Variants in KIF26B observed in about 807,000 individuals in gnomAD.
KIF26B encodes kinesin-like protein KIF26B.
KIF26B carries 63 observed loss-of-function variants against 151.2 expected under a neutral mutation model. That is an observed-to-expected ratio of 0.42 (90% CI 0.34 to 0.51). The LOEUF (loss-of-function observed/expected upper bound fraction) is 0.51, where lower values mean the gene tolerates loss of function less well. KIF26B is among the 20% of genes least tolerant of loss of function. The pLI, the probability that KIF26B is intolerant of heterozygous loss-of-function variation, is 0.07. For missense variants in KIF26B, 2,813 were observed against 2,913.6 expected, an observed-to-expected ratio of 0.97 and a Z score of 0.79; for synonymous variants, 1,357 against 1,262.1, an observed-to-expected ratio of 1.08 and a Z score of -1.59.
chr1:245,618,379 G>A (rs1352266024), intron 9 of KIF26B, among the ~76,000 whole-genome samples: 1 of 151,636 alleles, frequency 6.6e-6, no homozygotes, highest in African/African-American at 2.4e-5. Flanking sequence ...TAGGTTCCTT[G>A]AGACAGAGTG....
At chr1:245,288,150 C>T (rs891440021) in intron 2 of KIF26B, among the ~76,000 whole-genome samples, 1 of 152,110 alleles carries the variant, frequency 6.6e-6, no homozygotes, top group Non-Finnish European at 1.5e-5. Context: ...TGTATTTTCT[C>T]GGAGTCCATC....
At chr1:245,201,299 T>C (rs1331743526) in intron 2 of KIF26B, among the ~76,000 whole-genome samples, 1 of 152,216 alleles carries the variant, frequency 6.6e-6, no homozygotes, top group East Asian at 1.9e-4. Context: ...GTGGATGATA[T>C]TATGCTTGAA....
At chr1:245,379,965 C>T (rs751342115) in intron 3 of KIF26B, among the ~76,000 whole-genome samples, 42 of 144,288 alleles carry the variant, frequency 2.9e-4, no homozygotes, top group Non-Finnish European at 5.2e-4. Context: ...AGCAAGACTC[C>T]GTCTCAAAAA....
At chr1:245,383,699 A>C (rs1673470384) in intron 3 of KIF26B, among the ~76,000 whole-genome samples, 1 of 152,226 alleles carries the variant, frequency 6.6e-6, no homozygotes, top group Non-Finnish European at 1.5e-5. Context: ...AGGTAGGAGA[A>C]GGATTGGTAG....
intron 5 of KIF26B, among the ~76,000 whole-genome samples, chr1:245,551,870 C>T (rs1661888220): frequency 6.6e-6 from 1 of 152,124 alleles, no homozygotes; most frequent in Non-Finnish European, 1.5e-5. Context: ...CTGGGTGCCC[C>T]CTCGTGTGCT....
At chr1:245,507,029 T>G (rs1033377133) in intron 4 of KIF26B, among the ~76,000 whole-genome samples, 4 of 152,156 alleles carry the variant, frequency 2.6e-5, no homozygotes, top group Non-Finnish European at 5.9e-5. Context: ...GAGGGTAGAC[T>G]TCCTCATACC....
At chr1:245,326,952 G>A (rs1314923643) in intron 2 of KIF26B, among the ~76,000 whole-genome samples, 1 of 152,106 alleles carries the variant, frequency 6.6e-6, no homozygotes, top group Non-Finnish European at 1.5e-5. Context: ...CTCAGTCTTT[G>A]TTTCCTATCG....
Position 245,540,820 on chromosome 1 carries a change from C to T in KIF26B, c.1220C>T (p.Thr407Ile). Residue 407 changes from threonine to isoleucine, a missense_variant, in exon 5 of 15, where the codon ACT becomes ATT. By Grantham distance (89) the Thr-to-Ile change is moderately conservative. This residue lies in a region of KIF26B where 676 missense variants were observed against 688.1 expected (regional missense o/e 0.98). Coordinates refer to ENST00000407071, the MANE Select transcript of KIF26B (RefSeq NM_018012.4). This position sits in a 1 kb window ranked among gnomAD's most constrained non-coding sequence, Gnocchi z 4.6. ...SSKKKKHRPS[T>I]SSAAEPPLFA... Reference sequence around the variant, plus strand: ...AAAAAGAAGAAACATCGGCCTTCCACTTCTTCCGCTGCCGAACCACCGCTC... The same window carrying T: ...AAAAAGAAGAAACATCGGCCTTCCATTTCTTCCGCTGCCGAACCACCGCTC... 1 of 1,613,982 alleles carries T rather than the reference C, an allele frequency of 6.2e-7. No homozygotes were observed.
chr1:245,548,976 A>G (rs939029342), intron 5 of KIF26B, among the ~76,000 whole-genome samples: 23 of 152,288 alleles, frequency 1.5e-4, no homozygotes, highest in Admixed American at 8.5e-4. Flanking sequence ...TCCTGACGTC[A>G]GGTGATCCAC....
intron 10 of KIF26B, among the ~76,000 whole-genome samples, chr1:245,666,974 A>G (rs1458201460): frequency 6.6e-6 from 1 of 152,114 alleles, no homozygotes. Flanking sequence ...AACGTTGTAC[A>G]TCAGGAGGGG....
chr1:245,467,547 G>GA (rs1659821962), intron 4 of KIF26B, among the ~76,000 whole-genome samples: 1 of 152,136 alleles, frequency 6.6e-6, no homozygotes, highest in South Asian at 2.1e-4. Flanking sequence ...GAAATCTCTG[G>GA]ATCTGAATTC....
chr1:245,470,394 T>C (rs1451225037), intron 4 of KIF26B, among the ~76,000 whole-genome samples: 1 of 152,068 alleles, frequency 6.6e-6, no homozygotes, highest in African/African-American at 2.4e-5. Flanking sequence ...CAGTCACTGC[T>C]TGGAAAAACC....
chr1:245,425,330 C>G (rs1658617324), intron 4 of KIF26B, among the ~76,000 whole-genome samples: 1 of 152,156 alleles, frequency 6.6e-6, no homozygotes, highest in Admixed American at 6.5e-5. Context: ...AACCCTGAAA[C>G]AGAAAATGAA....
intron 12 of KIF26B, among the ~76,000 whole-genome samples, chr1:245,695,816 T>G (rs1177077527): frequency 6.1e-5 from 5 of 81,948 alleles, no homozygotes; most frequent in East Asian, 2.5e-4. Flanking sequence ...CTCCAGGTGT[T>G]TTTACCTTCT....
intron 2 of KIF26B, among the ~76,000 whole-genome samples, chr1:245,280,245 G>T (rs1166891293): frequency 6.6e-6 from 1 of 151,898 alleles, no homozygotes; most frequent in East Asian, 2.0e-4. Context: ...CGGGTGCGGT[G>T]GCTCACGCCT....
chr1:245,659,429 C>T lies in KIF26B; in HGVS notation c.2258+13149C>T, dbSNP rs370355982. Among the ~76,000 whole-genome samples, 7 of 152,132 alleles carry T rather than the reference C, an allele frequency of 4.6e-5. No homozygotes were observed. The East Asian group carries it at 7.7e-4, about 17-fold the overall frequency. On this transcript the variant is annotated intron_variant, in intron 10 of 14. Transcript: ENST00000407071. Reference sequence around the variant, plus strand: ...GTGCCCGCAGGCTTCCTGTGGCCATCGGATCCCCAATCTAAACTAGGATAA... The same window carrying T: ...GTGCCCGCAGGCTTCCTGTGGCCATTGGATCCCCAATCTAAACTAGGATAA...
intron 2 of KIF26B, among the ~76,000 whole-genome samples, chr1:245,320,279 A>AGGG: frequency 6.6e-6 from 1 of 152,324 alleles, no homozygotes; most frequent in Admixed American, 6.5e-5. Flanking sequence ...CTTCCTCAAA[A>AGGG]TCCCTTTACT....
intron 3 of KIF26B, among the ~76,000 whole-genome samples, chr1:245,415,893 G>C (rs1050000914): frequency 6.6e-6 from 1 of 151,238 alleles, no homozygotes. Flanking sequence ...GGCAGCTCTT[G>C]ATCCCCAAAC....
intron 2 of KIF26B, among the ~76,000 whole-genome samples, chr1:245,221,740 A>C (rs1669778554): frequency 6.6e-6 from 1 of 152,202 alleles, no homozygotes; most frequent in Admixed American, 6.5e-5. Flanking sequence ...TTGTGTTTGC[A>C]TTCAACTTGA....
Sources: gnomAD v4.1 joint callset for allele counts (sites outside exome capture counted in the v4.1 genomes callset) on GRCh38, gnomAD v4.1.1 for gene constraint, gnomAD v4.1.1 regional missense constraint, Gnocchi (gnomAD v3.1) non-coding constraint, MANE v1.5 for transcripts, NCBI Gene and HGNC (gene_info 2026-07-23, HGNC 2026-07-21) for gene names.